The following C14orf132 variants were observed in gnomAD, a reference collection of about 807,000 sequenced individuals.
The protein encoded by C14orf132 is chromosome 14 open reading frame 132, also known as uncharacterized protein C14orf132.
C14orf132 carries 6 observed loss-of-function variants against 5.8 expected under a neutral mutation model. That is an observed-to-expected ratio of 1.03 (90% CI 0.57 to 2.04). The LOEUF is 2.04. Ranked by LOEUF, C14orf132 falls within the 30% of genes most tolerant of loss-of-function variation. The pLI, the probability that C14orf132 is intolerant of heterozygous loss-of-function variation, is 0.00. For synonymous variants in C14orf132, 51 were observed against 49.8 expected, an observed-to-expected ratio of 1.02 and a Z score of -0.10; for missense variants, 125 against 115.8, an observed-to-expected ratio of 1.08 and a Z score of -0.37.
chr14:96,081,298 A>C (rs1888025479), intron 1 of C14orf132, among the ~76,000 whole-genome samples: 1 of 152,208 alleles, frequency 6.6e-6, no homozygotes, highest in African/African-American at 2.4e-5. Context: ...ACCTCCCAGC[A>C]GCCCCCTTCT....
At chr14:96,049,646 A>ATGTACATATATACG (rs1566823948) in intron 1 of C14orf132, among the ~76,000 whole-genome samples, 4 of 79,170 alleles carry the variant, frequency 5.1e-5, no homozygotes, top group Admixed American at 1.9e-4. Flanking sequence ...ATACGTATAT[A>ATGTACATATATACG]TATATATAGA....
chr14:96,070,769 G>T (rs1221177712), intron 1 of C14orf132, among the ~76,000 whole-genome samples: 1 of 152,156 alleles, frequency 6.6e-6, no homozygotes, highest in Admixed American at 6.5e-5. Context: ...GTCATTGGCA[G>T]TTCTGAAGAT....
chr14:96,068,386 A>G (rs1887596494), intron 1 of C14orf132, among the ~76,000 whole-genome samples: 1 of 152,126 alleles, frequency 6.6e-6, no homozygotes, highest in Admixed American at 6.5e-5. Flanking sequence ...GTGTGATGTG[A>G]GTGATCTTAG....
chr14:96,060,393 G>A (rs1431044018), intron 1 of C14orf132, among the ~76,000 whole-genome samples: 2 of 152,218 alleles, frequency 1.3e-5, no homozygotes, highest in South Asian at 2.1e-4. Context: ...AATGACAGCT[G>A]TTCTATTGGC....
chr14:96,080,597 G>C (rs1035825160), intron 1 of C14orf132, among the ~76,000 whole-genome samples: 2 of 152,220 alleles, frequency 1.3e-5, no homozygotes, highest in African/African-American at 2.4e-5. Flanking sequence ...TTTCTCTGTA[G>C]AGGTGGAGCT....
At chr14:96,056,294 G>A (rs1040608614) in intron 1 of C14orf132, among the ~76,000 whole-genome samples, 1 of 152,290 alleles carries the variant, frequency 6.6e-6, no homozygotes, top group East Asian at 1.9e-4. Context: ...TCTGGCTTGG[G>A]GAATACAGAA....
rs1425969192 is a variant in C14orf132, at chr14:96,064,371, C to T, written c.28-22140C>T. ...AAACTAGGGTGCATATATACACACA[C>T]ACACACACACACACACACACACATA... On this transcript the variant is annotated intron_variant, in intron 1 of 1. Transcript: ENST00000555004. Among the ~76,000 whole-genome samples, 13 of 148,110 alleles carry T rather than the reference C, an allele frequency of 8.8e-5. 2 individuals are homozygous for T. The highest frequency in any genetic ancestry group is 1.9e-4 in the East Asian group (1 of 5,136).
At chr14:96,070,404 TCTC>T (rs1374332992) in intron 1 of C14orf132, among the ~76,000 whole-genome samples, 1 of 152,060 alleles carries the variant, frequency 6.6e-6, no homozygotes, top group East Asian at 1.9e-4. Context: ...GCCTCATTCT[TCTC>T]CTTCTGCACC....
intron 1 of C14orf132, among the ~76,000 whole-genome samples, chr14:96,045,826 A>G (rs1209302559): frequency 6.6e-6 from 1 of 152,184 alleles, no homozygotes; most frequent in Non-Finnish European, 1.5e-5. Flanking sequence ...TGTGCTGACG[A>G]TTTTGTGGGA....
chr14:96,054,778 G>C (rs542677945), intron 1 of C14orf132, among the ~76,000 whole-genome samples: 1 of 152,286 alleles, frequency 6.6e-6, no homozygotes, highest in Admixed American at 6.5e-5. Flanking sequence ...TGGTCTGTTA[G>C]TGTTCTTATA....
chr14:96,051,280 G>T (rs961499802), intron 1 of C14orf132: 17 of 398,420 alleles, frequency 4.3e-5, no homozygotes, highest in African/African-American at 3.1e-4. Context: ...TGATTCAGGT[G>T]TGGGGTCTGC....
intron 1 of C14orf132, among the ~76,000 whole-genome samples, chr14:96,082,447 G>C (rs1888055609): frequency 6.6e-6 from 1 of 152,168 alleles, no homozygotes; most frequent in Admixed American, 6.5e-5. Flanking sequence ...GAATTCTGCT[G>C]TTGGAAGTTA....
chr14:96,078,578 T>G (rs894652669), intron 1 of C14orf132, among the ~76,000 whole-genome samples: 2 of 152,156 alleles, frequency 1.3e-5, no homozygotes, highest in Admixed American at 1.3e-4. Context: ...CCGCAAGCAT[T>G]TTTTCATACT....
Position 96,082,505 on chromosome 14 carries a change from GA to G in C14orf132, c.28-3998del, listed in dbSNP as rs146006924. ...TTCCATTTAGAACCTATTTTACAAA[GA>G]AAAAAAATATCAAAACAAAATAAAA... On this transcript the variant is annotated intron_variant, in intron 1 of 1. Coordinates refer to ENST00000555004, the MANE Select transcript of C14orf132 (RefSeq NM_001252507.3). 0.016 allele frequency among the ~76,000 whole-genome samples: 2,430 copies of G among 151,988 alleles called. 257 individuals are homozygous for G. The East Asian group carries it at 0.3, about 19-fold the overall frequency.
intron 1 of C14orf132, among the ~76,000 whole-genome samples, chr14:96,072,200 ACAC>A (rs1173949631): frequency 1.3e-5 from 2 of 152,230 alleles, no homozygotes; most frequent in African/African-American, 2.4e-5. Flanking sequence ...GCCTGTCGAA[ACAC>A]CACAGTGATC....
intron 1 of C14orf132, among the ~76,000 whole-genome samples, chr14:96,042,676 T>C (rs139110571): frequency 4.5e-4 from 69 of 152,368 alleles, no homozygotes; most frequent in African/African-American, 1.5e-3. Flanking sequence ...GCAAATCCTC[T>C]TAGACAGAGG....
At chr14:96,078,082 G>A (rs530291923) in intron 1 of C14orf132, among the ~76,000 whole-genome samples, 1 of 152,350 alleles carries the variant, frequency 6.6e-6, no homozygotes, top group African/African-American at 2.4e-5. Flanking sequence ...GCATCCTCAT[G>A]TGCTGCTGCA....
chr14:96,076,894 C>G (rs1595188003), intron 1 of C14orf132, among the ~76,000 whole-genome samples: 2 of 152,202 alleles, frequency 1.3e-5, no homozygotes, highest in East Asian at 3.8e-4. Flanking sequence ...TGAGACTTCC[C>G]TCTTGATCCA....
intron 1 of C14orf132, among the ~76,000 whole-genome samples, chr14:96,085,634 T>C (rs1412526101): frequency 2.0e-5 from 3 of 152,238 alleles, no homozygotes; most frequent in African/African-American, 7.2e-5. Context: ...TCTTCTAGCG[T>C]ATTTGTTCCT....
Sources: gnomAD v4.1 joint callset for allele counts (sites outside exome capture counted in the v4.1 genomes callset) on GRCh38, gnomAD v4.1.1 for gene constraint, MANE v1.5 for transcripts, NCBI Gene and HGNC (gene_info 2026-07-23, HGNC 2026-07-21) for gene names.